Variants in PREX1 observed in about 807,000 individuals in gnomAD.
PREX1 encodes the protein phosphatidylinositol-3,4,5-trisphosphate dependent Rac exchange factor 1.
PREX1 carries 41 observed loss-of-function variants against 198.3 expected under a neutral mutation model. That is an observed-to-expected ratio of 0.21 (90% confidence interval 0.16 to 0.27). The LOEUF is 0.27. Among genes scored for constraint, PREX1 ranks in the 10% least tolerant of loss-of-function variants. PREX1 has a pLI of 1.00. For missense variants in PREX1, 1,620 were observed against 2,200.7 expected (o/e 0.74, Z 5.28); for synonymous variants, 843 against 887.2 (o/e 0.95, Z 0.89).
At chr20:48,674,471 C>T (rs2089695452) in intron 14 of PREX1, among the ~76,000 whole-genome samples, 1 of 152,206 alleles carries the variant, frequency 6.6e-6, no homozygotes, top group Admixed American at 6.5e-5. Context: ...AAACATTTAT[C>T]CATTTTTATT....
At chr20:48,749,621 G>C (rs779012845) in intron 1 of PREX1, among the ~76,000 whole-genome samples, 1 of 152,098 alleles carries the variant, frequency 6.6e-6, no homozygotes, top group African/African-American at 2.4e-5. Flanking sequence ...CCGGGAGCCC[G>C]GCCACCTGCC....
At chr20:48,880,387 A>G in the PREX1 span, among the ~76,000 whole-genome samples, 1 of 152,192 alleles carries the variant, frequency 6.6e-6, no homozygotes, top group Non-Finnish European at 1.5e-5. Flanking sequence ...TCTTACACAA[A>G]TGAAATCTAG....
Position 48,644,705 on chromosome 20 carries a change from C to T in PREX1, c.3513-208G>A, listed in dbSNP as rs531771509. ...TTTTCCACGCCTGAGGGCTGGGAAA[C>T]GTTTCTAGGCTCTAGCACAGAAACA... is the stretch of plus-strand genomic sequence containing the variant. On this transcript the variant is annotated intron_variant, in intron 26 of 39. Transcript: ENST00000371941. Among the ~76,000 whole-genome samples, 14 of 152,352 alleles carry T rather than the reference C, an allele frequency of 9.2e-5. No homozygotes were observed. The East Asian group carries it at 2.5e-3, about 27-fold the overall frequency.
At chr20:48,762,768 T>C (rs767125418) in intron 1 of PREX1, among the ~76,000 whole-genome samples, 7 of 147,460 alleles carry the variant, frequency 4.7e-5, no homozygotes, top group Non-Finnish European at 9.0e-5. Context: ...AGTGGCACCA[T>C]CTCAGCTCAC....
At chr20:48,719,415 G>A (rs1316897706) in intron 5 of PREX1, among the ~76,000 whole-genome samples, 1 of 152,158 alleles carries the variant, frequency 6.6e-6, no homozygotes, top group African/African-American at 2.4e-5. Context: ...CTGTGGGCGA[G>A]GTGTTGGTGC....
chr20:48,627,803 A>G, intron 38 of PREX1, 58 bp downstream of exon 38: 1 of 1,522,098 alleles, frequency 6.6e-7, no homozygotes, highest in South Asian at 1.2e-5. Context: ...CCCTGGCTGC[A>G]AGCATGCCAC....
chr20:48,688,377 T>C (rs940086129), intron 10 of PREX1, among the ~76,000 whole-genome samples: 1 of 152,220 alleles, frequency 6.6e-6, no homozygotes, highest in Non-Finnish European at 1.5e-5. Context: ...TCAAGCACAG[T>C]AAGCTCTGTG....
At chr20:48,791,380 GTTA>G (rs1479008103) in intron 1 of PREX1, among the ~76,000 whole-genome samples, 1 of 152,214 alleles carries the variant, frequency 6.6e-6, no homozygotes, top group Non-Finnish European at 1.5e-5. Context: ...CAGAGGAGGT[GTTA>G]TTATTACCCG....
intron 9 of PREX1, among the ~76,000 whole-genome samples, 185 bp downstream of exon 9, chr20:48,690,762 C>T (rs926529172): frequency 2.0e-5 from 3 of 152,128 alleles, no homozygotes; most frequent in Admixed American, 2.0e-4. Flanking sequence ...GTCTAGTGGG[C>T]AATCTCTGAG....
intron 27 of PREX1, 27 bp from the exon 28 acceptor site, chr20:48,642,516 T>C (rs1294188646): frequency 6.3e-7 from 1 of 1,586,816 alleles, no homozygotes; most frequent in East Asian, 2.2e-5. Context: ...GCAGCAGCCA[T>C]CAGTCATTCC....
At chr20:48,667,310 T>C (rs116599250) in intron 14 of PREX1, among the ~76,000 whole-genome samples, 4,717 of 152,268 alleles carry the variant, frequency 0.031, 122 homozygotes, top group African/African-American at 0.066. Context: ...CTTCCATAAT[T>C]GTGTCTCTAA....
intron 30 of PREX1, among the ~76,000 whole-genome samples, chr20:48,638,421 C>CA (rs1454560458): frequency 3.9e-5 from 6 of 152,080 alleles, no homozygotes; most frequent in Non-Finnish European, 8.8e-5. Context: ...CCCTGTCCTG[C>CA]AAAAAAAGCT....
rs1191938691 is a variant in PREX1 at position 48,747,870 on chromosome 20, T to C, written c.230A>G (p.His77Arg). 1 of 1,613,100 alleles carries C rather than the reference T, an allele frequency of 6.2e-7. No individual in the cohort carries two copies. The highest frequency in any genetic ancestry group is 8.5e-7 in the Non-Finnish European group (1 of 1,179,576). ...GTCGGCCACGTTCTGCCGGATGCGA[T>C]GCAGGAATGCCTGGAGGAGAGAAGC... ...TLRFLQSAFL[H>R]RIRQNVADSV... Residue 77 changes from histidine to arginine, a missense_variant, in exon 2 of 40, where the codon CAT (histidine) becomes CGT (arginine). Coordinates refer to ENST00000371941, the MANE Select transcript of PREX1 (RefSeq NM_020820.4).
intron 5 of PREX1, among the ~76,000 whole-genome samples, chr20:48,713,623 A>G (rs569584579): frequency 2.6e-5 from 4 of 151,916 alleles, no homozygotes; most frequent in African/African-American, 9.7e-5. Context: ...CTGTAGTTCC[A>G]GCTTTTGGAA....
chr20:48,874,480 G>C, the PREX1 span, among the ~76,000 whole-genome samples: 1 of 151,486 alleles, frequency 6.6e-6, no homozygotes, highest in Non-Finnish European at 1.5e-5. Flanking sequence ...CGTTGTGGCG[G>C]GAGTTTGGGA....
At chr20:48,656,786 A>G (rs1318313810) in intron 18 of PREX1, among the ~76,000 whole-genome samples, 2 of 152,096 alleles carry the variant, frequency 1.3e-5, no homozygotes, top group Non-Finnish European at 2.9e-5. Flanking sequence ...TCCCCCAACT[A>G]GATCTGAGAT....
chr20:48,683,225 T>C (rs2089764012), intron 10 of PREX1, among the ~76,000 whole-genome samples: 1 of 152,198 alleles, frequency 6.6e-6, no homozygotes, highest in Non-Finnish European at 1.5e-5. Context: ...GGGCCGCCTC[T>C]GGCACTGATC....
At chr20:48,880,216 C>G in the PREX1 span, among the ~76,000 whole-genome samples, 1 of 152,152 alleles carries the variant, frequency 6.6e-6, no homozygotes, top group East Asian at 1.9e-4. Flanking sequence ...ACAAAGGACT[C>G]AAAGTGGTTT....
the PREX1 span, among the ~76,000 whole-genome samples, chr20:48,844,926 T>C: frequency 1.3e-5 from 2 of 152,204 alleles, no homozygotes; most frequent in African/African-American, 2.4e-5. Flanking sequence ...CAGACCTACG[T>C]GGGATGTTTA....
Sources: allele counts gnomAD v4.1 joint callset (sites outside exome capture counted in the v4.1 genomes callset), GRCh38; gene constraint gnomAD v4.1.1; transcripts MANE v1.5; gene names NCBI Gene and HGNC (gene_info 2026-07-23, HGNC 2026-07-21).